DIAPH3: variants seen among roughly 807,000 people sequenced by gnomAD.
The protein encoded by DIAPH3 is protein diaphanous homolog 3.
Under a neutral mutation model 144.3 loss-of-function variants are expected in DIAPH3, and 117 were observed. The ratio of observed to expected loss-of-function variants is 0.81; its 90% CI spans 0.70 to 0.95. The LOEUF (loss-of-function observed/expected upper bound fraction) is 0.95. Among genes scored for constraint, DIAPH3 ranks in the 40% least tolerant of loss-of-function variants. The probability of loss-of-function intolerance (pLI) is 0.00; values close to 1 mark genes in which losing one functional copy is unlikely to be tolerated. For synonymous variants in DIAPH3, 519 were observed against 488.9 expected (o/e 1.06, Z -0.81); for missense variants, 1,421 against 1,412.7 (o/e 1.01, Z -0.09).
At chr13:60,086,778 CTG>C (rs1427216342) in intron 4 of DIAPH3, among the ~76,000 whole-genome samples, 3 of 152,106 alleles carry the variant, frequency 2.0e-5, no homozygotes, top group Non-Finnish European at 2.9e-5. Flanking sequence ...ACATTGGAAA[CTG>C]TAACTGAAAG....
Position 59,916,250 on chromosome 13 carries a change from C to T in DIAPH3, c.2171-1G>A. On this transcript the variant is annotated splice_acceptor_variant, in intron 18 of 27. Coordinates refer to ENST00000400324, the MANE Select transcript of DIAPH3 (RefSeq NM_001042517.2). LOFTEE classifies it high-confidence loss of function. ...ACCCGAAAAGAGCTCAGGAAGATTG[C>T]TAAGAAGGAGAAAGAGAGAAAGGTT... 6.2e-7 allele frequency: 1 copy of T among 1,610,886 alleles called. No homozygotes were observed. Among genetic ancestry groups the T allele is most frequent in the Non-Finnish European group, 8.5e-7 (1 of 1,177,618 alleles).
intron 22 of DIAPH3, among the ~76,000 whole-genome samples, chr13:59,842,262 A>G (rs1222622733): frequency 6.6e-6 from 1 of 152,066 alleles, no homozygotes; most frequent in African/African-American, 2.4e-5. Context: ...CTCACCTTGA[A>G]CAAAACCACA....
At chr13:59,939,394 A>C (rs1440671657) in intron 17 of DIAPH3, among the ~76,000 whole-genome samples, 1 of 152,202 alleles carries the variant, frequency 6.6e-6, no homozygotes, top group Non-Finnish European at 1.5e-5. Flanking sequence ...TTGAATACCC[A>C]GCTCTCAGAT....
chr13:59,744,640 A>G (rs2036618533), intron 27 of DIAPH3, among the ~76,000 whole-genome samples: 1 of 152,104 alleles, frequency 6.6e-6, no homozygotes, highest in East Asian at 1.9e-4. Flanking sequence ...CTCCTTCTCT[A>G]TTAGGAAAGA....
intron 3 of DIAPH3, among the ~76,000 whole-genome samples, chr13:60,098,444 C>A (rs146021655): frequency 9.9e-5 from 15 of 152,046 alleles, no homozygotes; most frequent in African/African-American, 2.7e-4. Context: ...CTATTAGAAG[C>A]CAACACTCAT....
At chr13:59,796,278 G>A (rs1001855242) in intron 25 of DIAPH3, among the ~76,000 whole-genome samples, 4 of 152,144 alleles carry the variant, frequency 2.6e-5, no homozygotes, top group East Asian at 1.9e-4. Flanking sequence ...CCTCGATCAC[G>A]GGAGGCCACT....
intron 27 of DIAPH3, among the ~76,000 whole-genome samples, chr13:59,750,707 G>A (rs1268128069): frequency 1.3e-5 from 2 of 152,252 alleles, no homozygotes; most frequent in East Asian, 1.9e-4. Flanking sequence ...TATTTTTACC[G>A]TAGGCCACGG....
intron 17 of DIAPH3, among the ~76,000 whole-genome samples, chr13:59,933,372 C>A (rs1304330001): frequency 6.6e-6 from 1 of 152,102 alleles, no homozygotes; most frequent in African/African-American, 2.4e-5. Flanking sequence ...TTCATGTAAC[C>A]CTCCCCCTGT....
At chr13:59,704,796 T>C (rs1308538955) in intron 27 of DIAPH3, among the ~76,000 whole-genome samples, 1 of 152,218 alleles carries the variant, frequency 6.6e-6, no homozygotes, top group African/African-American at 2.4e-5. Context: ...GTATGCTCTA[T>C]TATGTTCGCA....
chr13:60,010,278 TA>T (rs1249478150), intron 8 of DIAPH3, among the ~76,000 whole-genome samples: 1 of 152,078 alleles, frequency 6.6e-6, no homozygotes, highest in Non-Finnish European at 1.5e-5. Context: ...GGGTTTCAGT[TA>T]AAAAAACAGT....
intron 4 of DIAPH3, among the ~76,000 whole-genome samples, chr13:60,062,746 C>G (rs1326512545): frequency 1.3e-5 from 2 of 152,148 alleles, no homozygotes; most frequent in Non-Finnish European, 2.9e-5. Context: ...TCCCAGTACA[C>G]AGAAAAGTTA....
intron 16 of DIAPH3, 54 bp downstream of exon 16, chr13:59,970,798 C>G (rs1271256325): frequency 4.7e-6 from 7 of 1,488,752 alleles, no homozygotes; most frequent in Non-Finnish European, 6.4e-6. Flanking sequence ...TATATAAATC[C>G]AAAATTAGAT....
At chr13:59,730,273 T>G (rs1246041968) in intron 27 of DIAPH3, among the ~76,000 whole-genome samples, 1 of 152,202 alleles carries the variant, frequency 6.6e-6, no homozygotes, top group Non-Finnish European at 1.5e-5. Context: ...CGCCAATTTC[T>G]ATTATGTGCC....
In DIAPH3 at chr13:60,093,641, G is replaced by T; in HGVS notation, c.482C>A (p.Thr161Asn). ...KKEMVMQYIN[T>N]ASKTGSLKRS... Reference sequence around the variant, plus strand: ...AGTTTTACTTACTGTCTTAGAAGCAGTATTAATGTACTGCATCACCATTTC... The same window carrying T: ...AGTTTTACTTACTGTCTTAGAAGCATTATTAATGTACTGCATCACCATTTC... Residue 161 changes from threonine (T) to asparagine (N), a missense_variant, in exon 4 of 28, where the codon ACT (threonine) becomes AAT (asparagine). Physicochemically the swap from Thr to Asn is moderately conservative, Grantham distance 65. Coordinates refer to ENST00000400324, the MANE Select transcript of DIAPH3 (RefSeq NM_001042517.2). The T allele has an allele frequency of 6.2e-7, 1 of 1,607,976 alleles. No homozygotes were observed.
At chr13:59,886,968 G>A (rs2045493655) in intron 20 of DIAPH3, among the ~76,000 whole-genome samples, 1 of 151,902 alleles carries the variant, frequency 6.6e-6, no homozygotes, top group Non-Finnish European at 1.5e-5. Context: ...CCTTTACCAG[G>A]TTCTCAACCA....
At chr13:59,993,016 G>A (rs2051940599) in intron 9 of DIAPH3, among the ~76,000 whole-genome samples, 2 of 151,834 alleles carry the variant, frequency 1.3e-5, no homozygotes, top group Admixed American at 6.6e-5. Context: ...GAGACTCAAA[G>A]TCCCAAAGAC....
chr13:59,670,899 T>A (rs71432772), intron 27 of DIAPH3, among the ~76,000 whole-genome samples: 1 of 152,070 alleles, frequency 6.6e-6, no homozygotes, highest in Non-Finnish European at 1.5e-5. Flanking sequence ...TTCACTTTTT[T>A]AAAGCCTGGC....
intron 27 of DIAPH3, among the ~76,000 whole-genome samples, chr13:59,674,659 C>G (rs2032544318): frequency 6.6e-6 from 1 of 152,208 alleles, no homozygotes. Flanking sequence ...GCCCTGACAA[C>G]AGAGCTCCAA....
At chr13:59,918,189 C>CCAA (rs1391930053) in intron 18 of DIAPH3, among the ~76,000 whole-genome samples, 6 of 147,990 alleles carry the variant, frequency 4.1e-5, no homozygotes, top group Admixed American at 2.7e-4. Context: ...AATCCATCCA[C>CCAA]CAACGTCAGG....
Sources: allele counts gnomAD v4.1 joint callset (sites outside exome capture counted in the v4.1 genomes callset), GRCh38; gene constraint gnomAD v4.1.1; transcripts MANE v1.5; gene names NCBI Gene and HGNC (gene_info 2026-07-23, HGNC 2026-07-21).